Variants in CCDC30 observed in about 807,000 individuals in gnomAD.
The protein encoded by CCDC30 is coiled-coil domain-containing protein 30.
Under a neutral mutation model 100.2 loss-of-function variants are expected in CCDC30, and 70 were observed. That is an observed-to-expected ratio of 0.70 (90% confidence interval 0.58 to 0.85). The LOEUF (loss-of-function observed/expected upper bound fraction) is 0.85, where lower values mean the gene tolerates loss of function less well. Ranked by LOEUF, CCDC30 falls within the 40% of genes least tolerant of loss-of-function variation. The pLI, the probability that CCDC30 is intolerant of heterozygous loss-of-function variation, is 0.00. For missense variants in CCDC30, 652 were observed against 771.2 expected (o/e 0.85, Z 1.83); for synonymous variants, 233 against 269.5 (o/e 0.86, Z 1.33).
At chr1:42,632,622 T>C (rs1480489495) in intron 11 of CCDC30, among the ~76,000 whole-genome samples, 1 of 150,938 alleles carries the variant, frequency 6.6e-6, no homozygotes, top group Non-Finnish European at 1.5e-5. Context: ...TAGCCGGGCG[T>C]GATGGTGCAT....
At chr1:42,581,387 C>A in exon 9 of CCDC30, 1 of 1,606,956 alleles carries the variant, frequency 6.2e-7, no homozygotes, top group Admixed American at 1.7e-5. Context: ...GAAATTAGAA[C>A]ATGCTCATAA....
intron 6 of CCDC30, among the ~76,000 whole-genome samples, chr1:42,555,376 G>A (rs1162806957): frequency 2.6e-5 from 4 of 152,068 alleles, no homozygotes; most frequent in Admixed American, 6.6e-5. Context: ...TTTAGCTTGT[G>A]CCTACTCATC....
intron 5 of CCDC30, among the ~76,000 whole-genome samples, chr1:42,498,007 G>C (rs1447409442): frequency 3.3e-5 from 5 of 152,132 alleles, no homozygotes; most frequent in African/African-American, 9.7e-5. Context: ...ACAATAGCCA[G>C]AAGTTGGAAG....
At chr1:42,602,132 GA>G (rs566489303) in intron 10 of CCDC30, among the ~76,000 whole-genome samples, 2 of 150,156 alleles carry the variant, frequency 1.3e-5, no homozygotes, top group Admixed American at 6.6e-5. Flanking sequence ...TACAGAGGAG[GA>G]AAAAAATATC....
At chr1:42,642,369 A>C (rs1647528199) in intron 12 of CCDC30, 104 bp from the exon 17 acceptor site, 1 of 1,056,484 alleles carries the variant, frequency 9.5e-7, no homozygotes, top group Non-Finnish European at 1.3e-6. Context: ...GGAAAAAAAA[A>C]GTAAATAAGG....
chr1:42,570,232 A>T (rs1412267499), intron 7 of CCDC30, among the ~76,000 whole-genome samples: 1 of 152,054 alleles, frequency 6.6e-6, no homozygotes, highest in Non-Finnish European at 1.5e-5. Context: ...AGGCCAAGGC[A>T]GGAGGATTGC....
intron 6 of CCDC30, among the ~76,000 whole-genome samples, chr1:42,501,343 G>C (rs1644309133): frequency 6.6e-6 from 1 of 152,130 alleles, no homozygotes; most frequent in Non-Finnish European, 1.5e-5. Context: ...ATCCACTTCT[G>C]GTCTCTGTAT....
chr1:42,506,024 A>G (rs1644389757), intron 6 of CCDC30, among the ~76,000 whole-genome samples: 1 of 152,266 alleles, frequency 6.6e-6, no homozygotes, highest in South Asian at 2.1e-4. Flanking sequence ...TATTGCCATA[A>G]GTTAAGAATA....
chr1:42,516,550 C>T (rs565484151), intron 6 of CCDC30, among the ~76,000 whole-genome samples: 10 of 130,550 alleles, frequency 7.7e-5, no homozygotes, highest in African/African-American at 1.5e-4. Flanking sequence ...GCAGCCTGGA[C>T]GAGAGAGCAA....
At chr1:42,484,405 A>G (rs1644016406) in intron 3 of CCDC30, among the ~76,000 whole-genome samples, 1 of 152,250 alleles carries the variant, frequency 6.6e-6, no homozygotes, top group African/African-American at 2.4e-5. Context: ...CCATACAAGA[A>G]GAAAAAAGGA....
intron 6 of CCDC30, among the ~76,000 whole-genome samples, chr1:42,545,132 G>A (rs1427040026): frequency 1.8e-5 from 2 of 108,794 alleles, no homozygotes; most frequent in South Asian, 3.1e-4. Flanking sequence ...AGCACTCTGA[G>A]AACCCAACCC....
At chr1:42,497,519 T>C (rs1644248458) in intron 5 of CCDC30, among the ~76,000 whole-genome samples, 1 of 152,232 alleles carries the variant, frequency 6.6e-6, no homozygotes, top group African/African-American at 2.4e-5. Flanking sequence ...AATATTACTC[T>C]ATTATATTGG....
chr1:42,634,249 C>CAAAAAAAAAAAAAA (rs754829759), intron 11 of CCDC30, among the ~76,000 whole-genome samples: 1 of 115,318 alleles, frequency 8.7e-6, no homozygotes, highest in Non-Finnish European at 1.8e-5. Flanking sequence ...AAGACTGTCT[C>CAAAAAAAAAAAAAA]AAAAAAAAAA....
At chr1:42,539,120 T>TG (rs1420774549) in intron 6 of CCDC30, 53 bp from the exon 8 acceptor site, 15 of 1,332,720 alleles carry the variant, frequency 1.1e-5, no homozygotes, top group African/African-American at 3.0e-5. Flanking sequence ...ATATCTTTTA[T>TG]GGGGGAAAAT....
rs137940809 is a variant in CCDC30, at chr1:42,559,810, C to T, written c.457-6486C>T. Reference sequence around the variant, plus strand: ...ATGGACCTAGTAGACGTCTACAGAACTCTGTACCCCAAATCAACAGAATAT... The same window carrying T: ...ATGGACCTAGTAGACGTCTACAGAATTCTGTACCCCAAATCAACAGAATAT... On this transcript the variant is annotated intron_variant, in intron 6 of 16. Transcript: ENST00000668663. Among the ~76,000 whole-genome samples, 41 of 152,288 alleles carry T rather than the reference C, an allele frequency of 2.7e-4. 1 individual carries two copies. Among genetic ancestry groups the T allele is most frequent in the Non-Finnish European group, 4.3e-4 (29 of 68,024 alleles).
intron 5 of CCDC30, among the ~76,000 whole-genome samples, chr1:42,498,551 T>G (rs1336543420): frequency 2.6e-5 from 4 of 152,212 alleles, no homozygotes; most frequent in Non-Finnish European, 5.9e-5. Flanking sequence ...CTTCATAAAT[T>G]TATGTATCTA....
intron 14 of CCDC30, among the ~76,000 whole-genome samples, chr1:42,645,100 A>G (rs930719977): frequency 3.3e-5 from 5 of 152,024 alleles, no homozygotes; most frequent in Admixed American, 3.3e-4. Flanking sequence ...TTTCTCCTCT[A>G]TCTCATTAAC....
chr1:42,503,064 T>C (rs1054369115), intron 6 of CCDC30, among the ~76,000 whole-genome samples: 7 of 152,114 alleles, frequency 4.6e-5, no homozygotes, highest in African/African-American at 1.7e-4. Context: ...TGTGATTTTT[T>C]AGTAAAGACA....
intron 14 of CCDC30, among the ~76,000 whole-genome samples, chr1:42,645,132 G>A (rs1427050756): frequency 6.6e-6 from 1 of 152,074 alleles, no homozygotes; most frequent in Admixed American, 6.5e-5. Flanking sequence ...TTCCTGGAGG[G>A]CAAGGAGTGT....
Sources: gnomAD v4.1 joint callset for allele counts (sites outside exome capture counted in the v4.1 genomes callset) on GRCh38, gnomAD v4.1.1 for gene constraint, MANE v1.5 for transcripts, NCBI Gene and HGNC (gene_info 2026-07-23, HGNC 2026-07-21) for gene names.